The following MALRD1 variants were observed in gnomAD, a reference collection of about 807,000 sequenced individuals.
The protein encoded by MALRD1 is MAM and LDL-receptor class A domain-containing protein 1.
A neutral mutation model predicts 242.1 loss-of-function variants in MALRD1; 247 were observed. That is an observed-to-expected ratio of 1.02 (90% CI 0.92 to 1.13). The LOEUF is 1.13. Ranked by LOEUF, MALRD1 falls within the 50% of genes most tolerant of loss-of-function variation. The pLI, the probability that MALRD1 is intolerant of heterozygous loss-of-function variation, is 0.00. For missense variants in MALRD1, 2,989 were observed against 2,533.1 expected (o/e 1.18, Z -3.86); for synonymous variants, 995 against 866.6 (o/e 1.15, Z -2.60).
At chr10:19,716,282 G>T (rs1230242108) in intron 38 of MALRD1, among the ~76,000 whole-genome samples, 1 of 152,186 alleles carries the variant, frequency 6.6e-6, no homozygotes, top group Non-Finnish European at 1.5e-5. Flanking sequence ...GGTGGAGCCT[G>T]CTGGGAGGTG....
intron 38 of MALRD1, among the ~76,000 whole-genome samples, chr10:19,729,315 A>T (rs1835178488): frequency 6.6e-6 from 1 of 152,224 alleles, no homozygotes; most frequent in Admixed American, 6.5e-5. Flanking sequence ...CCTTCTTGCT[A>T]CATTTTATTT....
chr10:19,366,751 T>G lies in MALRD1; in HGVS notation c.4441+14454T>G, dbSNP rs116325206. 5.2e-3 allele frequency among the ~76,000 whole-genome samples: 786 copies of G among 152,266 alleles called. 2 individuals are homozygous for G. The highest frequency in any genetic ancestry group is 0.018 in the African/African-American group (760 of 41,564). On this transcript the variant is annotated intron_variant, in intron 26 of 39. Transcript: ENST00000454679. The stretch of plus-strand genomic sequence containing the variant: ...GAAAATGTATATACACATCTCCTTG[T>G]AAGTACCTGGAACTTTGGTTGCTGG...
At chr10:19,717,415 T>C (rs1369180703) in intron 38 of MALRD1, among the ~76,000 whole-genome samples, 1 of 152,168 alleles carries the variant, frequency 6.6e-6, no homozygotes, top group Admixed American at 6.5e-5. Context: ...GAAGACAGTG[T>C]ATAATTTGGC....
At chr10:19,172,138 CACAT>C (rs1473319118) in intron 13 of MALRD1, among the ~76,000 whole-genome samples, 1 of 144,838 alleles carries the variant, frequency 6.9e-6, no homozygotes, top group Non-Finnish European at 1.5e-5. Flanking sequence ...CACATATATA[CACAT>C]ACATATATAC....
chr10:19,683,320 C>T (rs376832124), intron 36 of MALRD1, among the ~76,000 whole-genome samples: 7 of 152,114 alleles, frequency 4.6e-5, no homozygotes, highest in African/African-American at 1.4e-4. Flanking sequence ...CTAAGGTCAG[C>T]GGGGAAAAGC....
intron 13 of MALRD1, among the ~76,000 whole-genome samples, chr10:19,167,900 C>T (rs1242472067): frequency 6.6e-6 from 1 of 152,182 alleles, no homozygotes; most frequent in African/African-American, 2.4e-5. Context: ...CAACTGTAAT[C>T]AATTACTGTT....
At chr10:19,067,197 T>A (rs555174694) in intron 2 of MALRD1, among the ~76,000 whole-genome samples, 25 of 152,292 alleles carry the variant, frequency 1.6e-4, no homozygotes, top group Non-Finnish European at 2.6e-4. Flanking sequence ...TGGGACAATA[T>A]ACCTAGATTA....
chr10:19,554,173 T>C (rs1835611875), intron 32 of MALRD1, among the ~76,000 whole-genome samples: 1 of 152,104 alleles, frequency 6.6e-6, no homozygotes, highest in Non-Finnish European at 1.5e-5. Flanking sequence ...TACCTGAAGT[T>C]GAGTAGTTTA....
chr10:19,083,618 A>G (rs1175609816), intron 2 of MALRD1, among the ~76,000 whole-genome samples: 1 of 151,984 alleles, frequency 6.6e-6, no homozygotes. Context: ...GTGGTCTTTC[A>G]GAGAACCAAA....
chr10:19,460,301 C>T (rs1459048128), intron 29 of MALRD1, among the ~76,000 whole-genome samples: 2 of 152,096 alleles, frequency 1.3e-5, no homozygotes, highest in East Asian at 3.9e-4. Context: ...ATGAAAATTA[C>T]ATCTAGTTGA....
intron 19 of MALRD1, among the ~76,000 whole-genome samples, chr10:19,276,919 G>A (rs930548949): frequency 1.3e-5 from 2 of 149,176 alleles, no homozygotes; most frequent in African/African-American, 4.9e-5. Context: ...TTTATTTTTT[G>A]TTTGGGTTGG....
chr10:19,364,182 T>A (rs992749169), intron 26 of MALRD1, among the ~76,000 whole-genome samples: 1 of 152,078 alleles, frequency 6.6e-6, no homozygotes, highest in African/African-American at 2.4e-5. Context: ...GTGTCAAGGA[T>A]GAAATTAACT....
chr10:19,542,532 A>G (rs893774364), intron 32 of MALRD1, among the ~76,000 whole-genome samples: 1 of 151,906 alleles, frequency 6.6e-6, no homozygotes, highest in Admixed American at 6.6e-5. Context: ...GAATCTCCTG[A>G]TGTTTTTTTT....
intron 31 of MALRD1, among the ~76,000 whole-genome samples, chr10:19,530,423 A>ATAG (rs1834340603): frequency 1.3e-5 from 1 of 77,844 alleles, no homozygotes; most frequent in African/African-American, 4.0e-5. Context: ...ATAATAATAA[A>ATAG]TATATAATAT....
At chr10:19,390,194 T>A (rs1377933628) in intron 28 of MALRD1, among the ~76,000 whole-genome samples, 3 of 152,226 alleles carry the variant, frequency 2.0e-5, no homozygotes, top group Non-Finnish European at 4.4e-5. Flanking sequence ...CCTATTTAGT[T>A]GTTTCCTTCC....
At chr10:19,567,245 G>A (rs1479591874) in intron 32 of MALRD1, among the ~76,000 whole-genome samples, 1 of 152,010 alleles carries the variant, frequency 6.6e-6, no homozygotes, top group African/African-American at 2.4e-5. Context: ...GCTTAAGACA[G>A]TTACGGTTTT....
chr10:19,084,822 G>A (rs2358297), intron 2 of MALRD1, among the ~76,000 whole-genome samples: 81,539 of 151,716 alleles, frequency 0.54, 22,043 homozygotes, highest in Middle Eastern at 0.6. Flanking sequence ...GTCCTCTAAC[G>A]TAAACATTTA....
At chr10:19,211,168 G>A (rs959561404) in intron 18 of MALRD1, among the ~76,000 whole-genome samples, 1 of 152,084 alleles carries the variant, frequency 6.6e-6, no homozygotes, top group African/African-American at 2.4e-5. Flanking sequence ...AATCAACTTT[G>A]CAGGGAAGCA....
chr10:19,181,160 A>C (rs1835486606), intron 14 of MALRD1, among the ~76,000 whole-genome samples: 1 of 152,178 alleles, frequency 6.6e-6, no homozygotes, highest in African/African-American at 2.4e-5. Context: ...GAGGTTTCTA[A>C]AGAAATTAGC....
Sources: gnomAD v4.1 joint callset for allele counts (sites outside exome capture counted in the v4.1 genomes callset) on GRCh38, gnomAD v4.1.1 for gene constraint, MANE v1.5 for transcripts, NCBI Gene and HGNC (gene_info 2026-07-23, HGNC 2026-07-21) for gene names.